The following NXPE2 variants were observed in gnomAD, a reference collection of about 807,000 sequenced individuals.
The protein encoded by NXPE2 is neurexophilin and PC-esterase domain family member 2.
A neutral mutation model predicts 34.4 loss-of-function variants in NXPE2; 34 were observed. The observed-to-expected ratio is 0.99, with a 90% CI of 0.75 to 1.31. NXPE2 has a LOEUF of 1.31. NXPE2 is among the 40% of genes most tolerant of loss of function. NXPE2 has a pLI of 0.00. For missense variants in NXPE2, 649 were observed against 672.5 expected, an observed-to-expected ratio of 0.97 and a Z score of 0.39; for synonymous variants, 235 against 231.3, an observed-to-expected ratio of 1.02 and a Z score of -0.15.
chr11:114,590,598 T>C, the NXPE2 span, among the ~76,000 whole-genome samples: 2 of 152,210 alleles, frequency 1.3e-5, no homozygotes, highest in Non-Finnish European at 2.9e-5. Context: ...GTACCAGCCC[T>C]CAGCCCCTCT....
At chr11:114,621,629 A>G in the NXPE2 span, among the ~76,000 whole-genome samples, 1 of 152,308 alleles carries the variant, frequency 6.6e-6, no homozygotes, top group African/African-American at 2.4e-5. Flanking sequence ...CCAGTGGATA[A>G]TAAGTATTGC....
At chr11:114,533,619 C>T in the NXPE2 span, among the ~76,000 whole-genome samples, 1,487 of 152,310 alleles carry the variant, frequency 9.8e-3, 30 homozygotes, top group African/African-American at 0.034. Flanking sequence ...GCTTCACAAA[C>T]AGCACACCAG....
the NXPE2 span, among the ~76,000 whole-genome samples, chr11:114,792,744 C>G: frequency 6.6e-6 from 1 of 152,116 alleles, no homozygotes; most frequent in East Asian, 1.9e-4. Flanking sequence ...TGCAAATCCT[C>G]TTATATCAAT....
At chr11:114,602,718 T>C in the NXPE2 span, among the ~76,000 whole-genome samples, 1 of 92,126 alleles carries the variant, frequency 1.1e-5, no homozygotes, top group African/African-American at 5.5e-5. Flanking sequence ...CAGAATCACA[T>C]ATAATTATCT....
the NXPE2 span, among the ~76,000 whole-genome samples, chr11:114,527,552 G>A: frequency 1.3e-3 from 191 of 152,232 alleles, 1 homozygote; most frequent in East Asian, 0.035. Context: ...GTAGATATCC[G>A]TCCTTCAAAG....
At chr11:114,547,543 T>C in the NXPE2 span, among the ~76,000 whole-genome samples, 1 of 152,190 alleles carries the variant, frequency 6.6e-6, no homozygotes, top group African/African-American at 2.4e-5. Flanking sequence ...GAGACCAGCC[T>C]GGCCAACATG....
chr11:114,464,948 AT>A, the NXPE2 span, among the ~76,000 whole-genome samples: 3 of 152,176 alleles, frequency 2.0e-5, no homozygotes, highest in African/African-American at 7.2e-5. Flanking sequence ...CAGGAAAAAA[AT>A]GTTCACCTCA....
At chr11:114,536,575 C>T in the NXPE2 span, among the ~76,000 whole-genome samples, 146 of 152,072 alleles carry the variant, frequency 9.6e-4, no homozygotes, top group African/African-American at 3.2e-3. Flanking sequence ...ATCAAATAGA[C>T]GCCATAAAAA....
chr11:114,761,167 C>A, the NXPE2 span, among the ~76,000 whole-genome samples: 1 of 152,186 alleles, frequency 6.6e-6, no homozygotes, highest in Non-Finnish European at 1.5e-5. Context: ...AGAAAGGAGG[C>A]AAACTCAGCT....
the NXPE2 span, among the ~76,000 whole-genome samples, chr11:114,722,511 T>G: frequency 5.9e-5 from 9 of 152,138 alleles, no homozygotes; most frequent in Non-Finnish European, 1.0e-4. Flanking sequence ...TTTCCTTATA[T>G]AGTTTAGGGA....
At chr11:114,612,047 G>T in the NXPE2 span, among the ~76,000 whole-genome samples, 1 of 151,412 alleles carries the variant, frequency 6.6e-6, no homozygotes, top group Non-Finnish European at 1.5e-5. Context: ...GATAAGAAGT[G>T]TTGCCTCGTG....
the NXPE2 span, among the ~76,000 whole-genome samples, chr11:114,492,391 CT>C: frequency 6.6e-6 from 1 of 151,960 alleles, no homozygotes; most frequent in Non-Finnish European, 1.5e-5. Flanking sequence ...TCTTTAAAGG[CT>C]TTTTTGTGGC....
chr11:114,704,689 G>A (rs1034377080), intron 4 of NXPE2, among the ~76,000 whole-genome samples: 1 of 152,146 alleles, frequency 6.6e-6, no homozygotes, highest in African/African-American at 2.4e-5. Context: ...AGTGTTTACT[G>A]AGGTCCTACT....
the NXPE2 span, among the ~76,000 whole-genome samples, chr11:114,538,547 A>G: frequency 6.6e-6 from 1 of 152,258 alleles, no homozygotes; most frequent in Non-Finnish European, 1.5e-5. Flanking sequence ...AAGGGCTAAT[A>G]TCCAGAATCT....
chr11:114,811,592 C>T, the NXPE2 span, among the ~76,000 whole-genome samples: 12 of 152,276 alleles, frequency 7.9e-5, no homozygotes, highest in South Asian at 1.0e-3. Context: ...GGCAGATGGC[C>T]GGGCCTTACC....
At chr11:114,523,143 A>G in the NXPE2 span, 421 of 1,321,658 alleles carry the variant, frequency 3.2e-4, 1 homozygote, top group African/African-American at 4.7e-3. Context: ...TTAGACATCT[A>G]GCCTTCTTTC....
chr11:114,525,384 G>T, the NXPE2 span, among the ~76,000 whole-genome samples: 1 of 151,922 alleles, frequency 6.6e-6, no homozygotes, highest in Non-Finnish European at 1.5e-5. Context: ...GATATAAAAA[G>T]AAAAACAAGT....
chr11:114,528,798 G>T, the NXPE2 span: 1 of 677,458 alleles, frequency 1.5e-6, no homozygotes, highest in Non-Finnish European at 2.7e-6. Context: ...AGTGGTACCT[G>T]ATTTCCTGCT....
At chr11:114,735,673 A>C in the NXPE2 span, among the ~76,000 whole-genome samples, 9 of 152,212 alleles carry the variant, frequency 5.9e-5, no homozygotes, top group Non-Finnish European at 7.3e-5. Flanking sequence ...ACATCATGTA[A>C]AAAACTTCTA....
Sources: gnomAD v4.1 joint callset for allele counts (sites outside exome capture counted in the v4.1 genomes callset) on GRCh38, gnomAD v4.1.1 for gene constraint, MANE v1.5 for transcripts, NCBI Gene and HGNC (gene_info 2026-07-23, HGNC 2026-07-21) for gene names.